SEMA4A: variants seen among roughly 807,000 people sequenced by gnomAD.
SEMA4A encodes the protein semaphorin-4A.
In SEMA4A, 52 loss-of-function variants were observed where a neutral mutation model predicts 72.5. The ratio of observed to expected loss-of-function variants is 0.72; its 90% confidence interval spans 0.57 to 0.90. The LOEUF (loss-of-function observed/expected upper bound fraction) is 0.90, where lower values mean the gene tolerates loss of function less well. Ranked by LOEUF, SEMA4A falls within the 40% of genes least tolerant of loss-of-function variation. The pLI is 0.00. For missense variants in SEMA4A, 926 were observed against 959.7 expected (o/e 0.96, Z 0.46); for synonymous variants, 369 against 393.1 (o/e 0.94, Z 0.73).
intron 2 of SEMA4A, chr1:156,155,606 T>A (rs1165761616): frequency 6.6e-6 from 1 of 152,590 alleles, no homozygotes; most frequent in Admixed American, 6.5e-5. Flanking sequence ...GGCCCTTCCA[T>A]CCCGCAGCCA....
At chr1:156,162,089 C>G (rs1042583425) in intron 9 of SEMA4A, among the ~76,000 whole-genome samples, 4 of 152,118 alleles carry the variant, frequency 2.6e-5, no homozygotes, top group African/African-American at 9.7e-5. Flanking sequence ...GGTGAAACCC[C>G]GTCTCTACTA....
chr1:156,161,308 G>GCGGAGGA, intron 8 of SEMA4A, 38 bp from the exon 9 acceptor site: 1 of 1,082,018 alleles, frequency 9.2e-7, no homozygotes, highest in South Asian at 1.5e-5. Context: ...GGGGGTCGGG[G>GCGGAGGA]CGCCCGGGGC....
At chr1:156,158,640 T>C (rs1653274360) in intron 5 of SEMA4A, 79 bp from the exon 6 acceptor site, 4 of 1,369,356 alleles carry the variant, frequency 2.9e-6, no homozygotes, top group East Asian at 2.3e-5. Context: ...TATGTCCCTT[T>C]CCCTTCCTTC....
At chr1:156,167,884 T>C (rs1196119261) in intron 10 of SEMA4A, among the ~76,000 whole-genome samples, 1 of 151,710 alleles carries the variant, frequency 6.6e-6, no homozygotes, top group African/African-American at 2.4e-5. Flanking sequence ...TTCTTCTTTC[T>C]GATTCATTTC....
chr1:156,158,090 C>CA lies in SEMA4A; in HGVS notation c.322dup (p.Arg108LysfsTer5). 1 of 1,614,072 alleles carries CA rather than the reference C, an allele frequency of 6.2e-7. No homozygotes were observed. Among genetic ancestry groups the CA allele is most frequent in the Non-Finnish European group, 8.5e-7 (1 of 1,180,004 alleles). ...TTCAGATACCGTGGCCAGCCAGTGA[C>CA]AGAAAAAAGAGTGAATGTGCCTTTA... On this transcript the variant is annotated frameshift_variant, in exon 4 of 15. Transcript: ENST00000368285. LOFTEE classifies it high-confidence loss of function.
upstream of SEMA4A, among the ~76,000 whole-genome samples, chr1:156,152,102 T>C (rs1259158767): frequency 1.3e-5 from 2 of 152,172 alleles, no homozygotes; most frequent in Non-Finnish European, 2.9e-5. Flanking sequence ...CAGATCTGAA[T>C]TTAACTTGGC....
intron 2 of SEMA4A, chr1:156,155,167 T>TG (rs1406563237): frequency 5.8e-6 from 1 of 171,210 alleles, no homozygotes; most frequent in Non-Finnish European, 1.3e-5. Flanking sequence ...GACCATACCA[T>TG]GTCCAGGACC....
intron 6 of SEMA4A, 137 bp from the exon 7 acceptor site, chr1:156,160,306 G>A (rs1270827455): frequency 4.1e-6 from 3 of 734,326 alleles, no homozygotes; most frequent in African/African-American, 3.4e-5. Flanking sequence ...GGCCTTTGAG[G>A]CTCCCCAGGA....
In SEMA4A at chr1:156,161,451, C is replaced by T. The variant is rs1653649888; in HGVS notation, c.916C>T (p.His306Tyr). Residue 306 changes from histidine (H) to tyrosine (Y), a missense_variant, in exon 9 of 15, where the codon CAC becomes TAC. By Grantham distance (83) the His-to-Tyr change is moderately conservative. Transcript: ENST00000368285. ...GCAGCTGCCCTTCAACGTCATCCGC[C>T]ACGCGGTCCTGCTCCCCGCCGATTC... ...PGQLPFNVIRHAVLLPADSPT... is the reference protein window; with the variant it reads ...PGQLPFNVIRYAVLLPADSPT... 7.4e-6 allele frequency: 12 copies of T among 1,614,016 alleles called. No homozygotes were observed. Among genetic ancestry groups the T allele is most frequent in the Non-Finnish European group, 1.0e-5 (12 of 1,179,978 alleles).
chr1:156,163,809 G>A (rs1653908074), intron 10 of SEMA4A, among the ~76,000 whole-genome samples: 1 of 151,116 alleles, frequency 6.6e-6, no homozygotes, highest in African/African-American at 2.4e-5. Context: ...GACTGAGACA[G>A]GAGGTTCACT....
At chr1:156,151,673 A>G (rs1164921185), upstream of SEMA4A, among the ~76,000 whole-genome samples, 1 of 151,762 alleles carries the variant, frequency 6.6e-6, no homozygotes, top group East Asian at 1.9e-4. Flanking sequence ...TCTCTACTAA[A>G]AATACAAAAA....
At chr1:156,161,174 G>A (rs2102958297) in intron 8 of SEMA4A, 145 bp downstream of exon 8, 2 of 468,932 alleles carry the variant, frequency 4.3e-6, no homozygotes, top group Non-Finnish European at 6.9e-6. Context: ...GCGGGGGACA[G>A]CGGGGCTGGG....
chr1:156,164,201 AAGC>A (rs1360605683), intron 10 of SEMA4A, among the ~76,000 whole-genome samples: 3 of 152,158 alleles, frequency 2.0e-5, no homozygotes, highest in Non-Finnish European at 4.4e-5. Context: ...TGACTATAAA[AAGC>A]AGTCCTATTT....
chr1:156,158,038 T>A, intron 3 of SEMA4A, 32 bp from the exon 4 acceptor site: 1 of 1,612,628 alleles, frequency 6.2e-7, no homozygotes, highest in Non-Finnish European at 8.5e-7. Flanking sequence ...CTTATTTCTT[T>A]TCATCTCGCC....
intron 10 of SEMA4A, among the ~76,000 whole-genome samples, chr1:156,169,250 G>A (rs1388659856): frequency 6.6e-6 from 1 of 151,782 alleles, no homozygotes; most frequent in Non-Finnish European, 1.5e-5. Flanking sequence ...CTTCCTCCAG[G>A]GCTGGCTTGA....
upstream of SEMA4A, among the ~76,000 whole-genome samples, chr1:156,148,491 G>A (rs73006728): frequency 0.12 from 18,289 of 152,238 alleles, 2,707 homozygotes; most frequent in African/African-American, 0.36. Context: ...CACCACCCCA[G>A]CTCAGATATG....
intron 3 of SEMA4A, 66 bp from the exon 4 acceptor site, chr1:156,158,004 C>T: frequency 6.6e-7 from 1 of 1,504,040 alleles, no homozygotes; most frequent in Non-Finnish European, 9.2e-7. Context: ...AGAAGGGAGG[C>T]AGGTCACAGC....
At chr1:156,170,678 C>T (rs143971786) in intron 10 of SEMA4A, among the ~76,000 whole-genome samples, 7 of 151,160 alleles carry the variant, frequency 4.6e-5, no homozygotes, top group South Asian at 2.1e-4. Context: ...GGGGTGAACC[C>T]GGGAGGCGGA....
At chr1:156,152,978 G>A (rs1050744260), upstream of SEMA4A, among the ~76,000 whole-genome samples, 21 of 152,070 alleles carry the variant, frequency 1.4e-4, no homozygotes, top group Non-Finnish European at 2.9e-4. Flanking sequence ...AGGGAGGGGT[G>A]AGCAGCCACC....
Sources: allele counts gnomAD v4.1 joint callset (sites outside exome capture counted in the v4.1 genomes callset), GRCh38; gene constraint gnomAD v4.1.1; transcripts MANE v1.5; gene names NCBI Gene and HGNC (gene_info 2026-07-23, HGNC 2026-07-21).